WDR72: variants seen among roughly 807,000 people sequenced by gnomAD.
WDR72 encodes WD repeat domain 72, also known as WD repeat-containing protein 72.
WDR72 carries 120 observed loss-of-function variants against 124.2 expected under a neutral mutation model. The observed-to-expected ratio is 0.97, with a 90% CI of 0.83 to 1.12. WDR72 has a LOEUF of 1.12. Among genes scored for constraint, WDR72 ranks in the 50% most tolerant of loss-of-function variants. The pLI is 0.00. For missense variants in WDR72, 1,387 were observed against 1,278.8 expected, an observed-to-expected ratio of 1.08 and a Z score of -1.29; for synonymous variants, 452 against 441.7, an observed-to-expected ratio of 1.02 and a Z score of -0.29.
intron 14 of WDR72, among the ~76,000 whole-genome samples, chr15:53,646,920 A>G (rs1349723793): frequency 6.6e-6 from 1 of 152,084 alleles, no homozygotes; most frequent in African/African-American, 2.4e-5. Context: ...TAAATTACTG[A>G]AGTCAAAATA....
intron 17 of WDR72, among the ~76,000 whole-genome samples, chr15:53,608,785 T>TAAATAAATAAATAAATAAAAAAAA (rs61501258): frequency 6.7e-6 from 1 of 149,802 alleles, no homozygotes; most frequent in African/African-American, 2.5e-5. Flanking sequence ...AATAAATAAA[T>TAAATAAATAAATAAATAAAAAAAA]ATAAAAATAA....
chr15:53,641,491 G>T (rs1195725367), intron 14 of WDR72, among the ~76,000 whole-genome samples: 1 of 151,932 alleles, frequency 6.6e-6, no homozygotes, highest in Non-Finnish European at 1.5e-5. Flanking sequence ...TTTTCAAGAA[G>T]AATTTTATAA....
chr15:53,571,770 AT>A (rs55973676), intron 18 of WDR72, among the ~76,000 whole-genome samples: 72,242 of 147,774 alleles, frequency 0.49, 17,673 homozygotes, highest in Middle Eastern at 0.6. Flanking sequence ...TCTATTTTTC[AT>A]TTTTTTTTTT....
At chr15:53,658,242 AT>A (rs760582347) in intron 14 of WDR72, among the ~76,000 whole-genome samples, 1 of 152,004 alleles carries the variant, frequency 6.6e-6, no homozygotes. Context: ...ACCTTGGAGC[AT>A]TTTTTTTCCT....
At chr15:53,755,924 T>C (rs1408972166) in intron 1 of WDR72, among the ~76,000 whole-genome samples, 1 of 152,200 alleles carries the variant, frequency 6.6e-6, no homozygotes, top group Non-Finnish European at 1.5e-5. Flanking sequence ...AACCACACCT[T>C]CTCACTCCCC....
At chr15:53,712,148 C>A (rs1038724801) in intron 7 of WDR72, among the ~76,000 whole-genome samples, 5 of 152,068 alleles carry the variant, frequency 3.3e-5, no homozygotes, top group Non-Finnish European at 7.4e-5. Flanking sequence ...ATTTTGAAAA[C>A]AATTTAGAGC....
chr15:53,718,483 A>G (rs973865208), intron 3 of WDR72, among the ~76,000 whole-genome samples: 5 of 152,064 alleles, frequency 3.3e-5, no homozygotes, highest in Non-Finnish European at 7.4e-5. Flanking sequence ...TTTCTATATT[A>G]AATCTGAAAA....
At chr15:53,755,360 T>G (rs1335514333) in intron 1 of WDR72, among the ~76,000 whole-genome samples, 1 of 152,250 alleles carries the variant, frequency 6.6e-6, no homozygotes. Flanking sequence ...ATTATTTCCC[T>G]TAACTAAAAA....
At chr15:53,730,873 T>C (rs770955177) in intron 2 of WDR72, among the ~76,000 whole-genome samples, 2 of 152,182 alleles carry the variant, frequency 1.3e-5, no homozygotes, top group Non-Finnish European at 2.9e-5. Flanking sequence ...AGAGGATTTG[T>C]TGAGAACTGA....
chr15:53,643,870 A>C (rs2014946024), intron 14 of WDR72, among the ~76,000 whole-genome samples: 2 of 152,254 alleles, frequency 1.3e-5, no homozygotes, highest in East Asian at 1.9e-4. Flanking sequence ...GAATCACAAT[A>C]TCATCTAATT....
At chr15:53,575,034 C>CAT (rs1481593660) in intron 18 of WDR72, among the ~76,000 whole-genome samples, 4 of 150,842 alleles carry the variant, frequency 2.7e-5, no homozygotes, top group Non-Finnish European at 4.4e-5. Flanking sequence ...CACACACACA[C>CAT]ACACACATTT....
chr15:53,658,685 T>C (rs1287324955), intron 14 of WDR72, among the ~76,000 whole-genome samples: 2 of 152,234 alleles, frequency 1.3e-5, no homozygotes, highest in African/African-American at 2.4e-5. Flanking sequence ...AATTCTTTTC[T>C]ATTGAAGCTA....
chr15:53,543,700 C>A (rs1264739575), intron 18 of WDR72, among the ~76,000 whole-genome samples: 2 of 151,872 alleles, frequency 1.3e-5, no homozygotes, highest in East Asian at 1.9e-4. Context: ...ATTAATGAAT[C>A]CAGGAGCTGT....
rs1422311211 is a variant in WDR72, at chr15:53,712,763, T to TGG, written c.711+8_711+9insCC. The TGG allele has an allele frequency of 1.2e-6, 2 of 1,610,572 alleles. No individual in the cohort carries two copies. The highest frequency in any genetic ancestry group is 4.5e-5 in the East Asian group (2 of 44,826). The stretch of plus-strand genomic sequence containing the variant: ...CATCACTGGTATTTATTATGTTACT[T>TGG]TATAATACCTTCCAACATTTAGAAA... On this transcript the variant is annotated intron_variant, in intron 7 of 19. Coordinates refer to ENST00000360509, the MANE Select transcript of WDR72 (RefSeq NM_182758.4).
chr15:53,518,470 T>TTGA (rs1891589034), intron 19 of WDR72, among the ~76,000 whole-genome samples: 9 of 152,076 alleles, frequency 5.9e-5, no homozygotes, highest in Admixed American at 5.9e-4. Context: ...AAAAAATATG[T>TTGA]TGATGCTTGA....
chr15:53,638,500 ATT>A (rs1422880371), intron 14 of WDR72, among the ~76,000 whole-genome samples: 1 of 151,600 alleles, frequency 6.6e-6, no homozygotes, highest in South Asian at 2.1e-4. Context: ...GAAAAGTGAC[ATT>A]TTGTTATTGG....
intron 13 of WDR72, among the ~76,000 whole-genome samples, chr15:53,687,439 T>C (rs1193808274): frequency 6.6e-6 from 1 of 151,290 alleles, no homozygotes; most frequent in Admixed American, 6.6e-5. Context: ...AACACCTCTA[T>C]TCAAATAAAC....
intron 14 of WDR72, among the ~76,000 whole-genome samples, chr15:53,664,873 T>C (rs540012427): frequency 5.9e-5 from 9 of 152,320 alleles, no homozygotes; most frequent in South Asian, 2.1e-4. Context: ...CATGAAAATA[T>C]GTTTATATGA....
At chr15:53,605,999 T>C (rs192890488) in intron 17 of WDR72, among the ~76,000 whole-genome samples, 286 of 152,276 alleles carry the variant, frequency 1.9e-3, no homozygotes, top group Middle Eastern at 3.4e-3. Flanking sequence ...CACAGAGTCA[T>C]GCATCAGGCC....
Sources: gnomAD v4.1 joint callset for allele counts (sites outside exome capture counted in the v4.1 genomes callset) on GRCh38, gnomAD v4.1.1 for gene constraint, MANE v1.5 for transcripts, NCBI Gene and HGNC (gene_info 2026-07-23, HGNC 2026-07-21) for gene names.